Variants in TMEFF2 observed in about 807,000 individuals in gnomAD.
TMEFF2 encodes the protein tomoregulin-2.
A neutral mutation model predicts 53.8 loss-of-function variants in TMEFF2; 28 were observed. That is an observed-to-expected ratio of 0.52 (90% CI 0.39 to 0.71). The LOEUF (loss-of-function observed/expected upper bound fraction) is 0.71. Among genes scored for constraint, TMEFF2 ranks in the 30% least tolerant of loss-of-function variants. TMEFF2 has a pLI of 0.00. For missense variants in TMEFF2, 353 were observed against 455.2 expected (o/e 0.78, Z 2.04); for synonymous variants, 162 against 166.3 (o/e 0.97, Z 0.20).
intron 4 of TMEFF2, among the ~76,000 whole-genome samples, chr2:192,153,969 G>A (rs1307971712): frequency 6.6e-6 from 1 of 151,834 alleles, no homozygotes; most frequent in Non-Finnish European, 1.5e-5. Context: ...TGGGGGAAGG[G>A]TGAATACAAA....
At chr2:191,981,718 G>C (rs1414269941) in intron 7 of TMEFF2, among the ~76,000 whole-genome samples, 1 of 152,136 alleles carries the variant, frequency 6.6e-6, no homozygotes, top group East Asian at 1.9e-4. Context: ...CTTGGGTGCA[G>C]TTTGCCCCTG....
In TMEFF2 at chr2:191,987,881, T is replaced by G. The variant is rs77127389; in HGVS notation, c.745+10381A>C. ...AACACACATATAATTTCTAGGTGAT[T>G]TTGGAATGAACTAAAATGAGCCTAT... is the stretch of plus-strand genomic sequence containing the variant. On this transcript the variant is annotated intron_variant, in intron 7 of 9. Transcript: ENST00000272771. 3.5e-4 allele frequency among the ~76,000 whole-genome samples: 53 copies of G among 152,280 alleles called. No individual in the cohort carries two copies. In the East Asian group the frequency reaches 9.6e-3, roughly 28 times the overall value.
intron 7 of TMEFF2, among the ~76,000 whole-genome samples, chr2:191,966,865 C>T (rs1294823371): frequency 6.6e-6 from 1 of 152,014 alleles, no homozygotes; most frequent in African/African-American, 2.4e-5. Context: ...TCTACAAGAG[C>T]ATCCTAAAAA....
intron 4 of TMEFF2, among the ~76,000 whole-genome samples, chr2:192,065,953 T>A (rs1688159991): frequency 6.6e-6 from 1 of 151,776 alleles, no homozygotes; most frequent in African/African-American, 2.4e-5. Context: ...GAGTAAGTTG[T>A]ATTTAAATGA....
At position 192,044,460 on chromosome 2, in the gene TMEFF2, T is replaced by G. The variant is rs556245192; in HGVS notation, c.536+13219A>C. On this transcript the variant is annotated intron_variant, in intron 5 of 9. Coordinates refer to ENST00000272771, the MANE Select transcript of TMEFF2 (RefSeq NM_016192.4). ...ACCATAAAAGAGGAACAATGCCTAG[T>G]GGGCCTCTTTGGATTCTGGAGGCAA... is the stretch of plus-strand genomic sequence containing the variant. The G allele has an allele frequency of 9.2e-5, 14 of 152,328 alleles. No individual in the cohort carries two copies. In the East Asian group the frequency reaches 2.1e-3, roughly 23 times the overall value. The allele number at this position is 152,328 out of a possible 1,614,324, so 9.4% of individuals were successfully genotyped here.
intron 4 of TMEFF2, among the ~76,000 whole-genome samples, chr2:192,170,228 C>A (rs1330539594): frequency 6.6e-6 from 1 of 152,020 alleles, no homozygotes. Flanking sequence ...CATGTCCTTT[C>A]AACGAGTTGC....
At chr2:192,073,791 T>C (rs1553518690) in intron 4 of TMEFF2, among the ~76,000 whole-genome samples, 1 of 151,978 alleles carries the variant, frequency 6.6e-6, no homozygotes, top group Non-Finnish European at 1.5e-5. Flanking sequence ...GAAACAAAAA[T>C]AAAACAAAAT....
intron 4 of TMEFF2, among the ~76,000 whole-genome samples, chr2:192,084,524 TGAAGA>T (rs1452955762): frequency 2.0e-5 from 3 of 152,196 alleles, no homozygotes; most frequent in African/African-American, 7.2e-5. Context: ...GGACTCTTAC[TGAAGA>T]GAAGAAAAAG....
intron 4 of TMEFF2, among the ~76,000 whole-genome samples, chr2:192,169,422 T>C (rs969662603): frequency 6.6e-6 from 1 of 151,990 alleles, no homozygotes; most frequent in South Asian, 2.1e-4. Flanking sequence ...AAGTCTGAGG[T>C]AGAGAAAATG....
intron 4 of TMEFF2, among the ~76,000 whole-genome samples, chr2:192,091,403 A>T (rs1688787521): frequency 6.6e-6 from 1 of 152,070 alleles, no homozygotes; most frequent in African/African-American, 2.4e-5. Flanking sequence ...TCCCCTTTAC[A>T]TTCCCAGGAC....
chr2:192,029,214 A>G lies in TMEFF2; in HGVS notation c.536+28465T>C, dbSNP rs561050729. Reference sequence around the variant, plus strand: ...CCATTTTGTCAAGACACCTTGGCCAACAACCACCAAGAGCCTGAGTATTGC... The same window carrying G: ...CCATTTTGTCAAGACACCTTGGCCAGCAACCACCAAGAGCCTGAGTATTGC... On this transcript the variant is annotated intron_variant, in intron 5 of 9. Coordinates refer to ENST00000272771, the MANE Select transcript of TMEFF2 (RefSeq NM_016192.4). The G allele has an allele frequency of 4.6e-5, 7 of 152,308 alleles. No individual in the cohort carries two copies. The East Asian group carries it at 1.2e-3, about 25-fold the overall frequency. The allele number at this position is 152,308 out of a possible 1,614,324, so 9.4% of individuals were successfully genotyped here.
chr2:192,058,520 C>T lies in TMEFF2; in HGVS notation c.440-745G>A, dbSNP rs114761044. ...TCTAAATTACAAGTGCAAAAATAGG[C>T]AATATATCACCTAATTATAAAGTTA... On this transcript the variant is annotated intron_variant, in intron 4 of 9. Transcript: ENST00000272771. Among the ~76,000 whole-genome samples the T allele has an allele frequency of 3.5e-3, 526 of 152,006 alleles. 3 individuals carry two copies. Among genetic ancestry groups the T allele is most frequent in the African/African-American group, 0.012 (503 of 41,450 alleles).
At chr2:191,959,191 G>C (rs951623863) in intron 7 of TMEFF2, among the ~76,000 whole-genome samples, 8 of 152,186 alleles carry the variant, frequency 5.3e-5, no homozygotes, top group African/African-American at 1.7e-4. Context: ...GAGGTTTAAT[G>C]TAAGGGTTGT....
At chr2:192,103,918 C>T (rs972989181) in intron 4 of TMEFF2, among the ~76,000 whole-genome samples, 5 of 151,700 alleles carry the variant, frequency 3.3e-5, no homozygotes, top group Admixed American at 6.6e-5. Flanking sequence ...GATCAGTATA[C>T]TGCTGTGAAG....
At chr2:192,192,077 T>A (rs1691475616) in intron 1 of TMEFF2, 88 bp from the exon 2 acceptor site, 4 of 892,690 alleles carry the variant, frequency 4.5e-6, no homozygotes, top group Non-Finnish European at 7.0e-6. Context: ...TTAAAATACT[T>A]GTCCTAAATT....
chr2:191,996,381 C>T (rs1686221637), intron 7 of TMEFF2, among the ~76,000 whole-genome samples: 1 of 151,680 alleles, frequency 6.6e-6, no homozygotes, highest in South Asian at 2.1e-4. Flanking sequence ...GAAGATTTTT[C>T]CAAATGAATT....
chr2:192,046,932 A>AT (rs1687637547), intron 5 of TMEFF2, among the ~76,000 whole-genome samples: 19 of 140,126 alleles, frequency 1.4e-4, no homozygotes, highest in Admixed American at 3.5e-4. Flanking sequence ...TTTAATTTTT[A>AT]TTTTTTTAGA....
rs76996144 is a variant in TMEFF2 at position 192,094,206 on chromosome 2, G to C, written c.440-36431C>G. 9.7e-3 allele frequency among the ~76,000 whole-genome samples: 1,473 copies of C among 152,248 alleles called. 37 individuals carry two copies. The highest frequency in any genetic ancestry group is 0.034 in the African/African-American group (1,409 of 41,542). On this transcript the variant is annotated intron_variant, in intron 4 of 9. Coordinates refer to ENST00000272771, the MANE Select transcript of TMEFF2 (RefSeq NM_016192.4). Reference sequence around the variant, plus strand: ...CTGGTTGAAGTTTTTGAGTCTGTCAGCTTAGACTGAGAGGGTTGAGTACAA... The same window carrying C: ...CTGGTTGAAGTTTTTGAGTCTGTCACCTTAGACTGAGAGGGTTGAGTACAA...
intron 7 of TMEFF2, among the ~76,000 whole-genome samples, chr2:191,990,273 T>A (rs1036731971): frequency 2.0e-5 from 3 of 152,178 alleles, no homozygotes; most frequent in Admixed American, 1.3e-4. Context: ...ATTTTAAGAC[T>A]TTTTTAGTTG....
Sources: allele counts gnomAD v4.1 joint callset (sites outside exome capture counted in the v4.1 genomes callset), GRCh38; gene constraint gnomAD v4.1.1; transcripts MANE v1.5; gene names NCBI Gene and HGNC (gene_info 2026-07-23, HGNC 2026-07-21).